MSI2: variants seen among roughly 807,000 people sequenced by gnomAD.
MSI2 encodes the protein musashi RNA binding protein 2, also known as RNA-binding protein Musashi homolog 2.
A neutral mutation model predicts 45.6 loss-of-function variants in MSI2; 17 were observed. That is an observed-to-expected ratio of 0.37 (90% CI 0.26 to 0.56). MSI2 has a LOEUF of 0.56. MSI2 is among the 20% of genes least tolerant of loss of function. The probability of loss-of-function intolerance (pLI) is 0.77; values close to 1 mark genes in which losing one functional copy is unlikely to be tolerated. For synonymous variants in MSI2, 156 were observed against 158.2 expected (o/e 0.99, Z 0.11); for missense variants, 293 against 444.2 (o/e 0.66, Z 3.06).
intron 5 of MSI2, among the ~76,000 whole-genome samples, chr17:57,348,647 C>T (rs778832499): frequency 3.9e-5 from 6 of 152,102 alleles, no homozygotes; most frequent in Admixed American, 6.5e-5. Flanking sequence ...AGAAGCTTCC[C>T]GAAGCCTTCG....
At chr17:57,278,184 C>G (rs1382728756) in intron 5 of MSI2, 1 of 152,466 alleles carries the variant, frequency 6.6e-6, no homozygotes, top group African/African-American at 2.4e-5. Flanking sequence ...GGCAACAGAG[C>G]AAGACCCTGT....
At chr17:57,587,343 G>A (rs1301048422) in intron 7 of MSI2, among the ~76,000 whole-genome samples, 1 of 152,220 alleles carries the variant, frequency 6.6e-6, no homozygotes, top group Non-Finnish European at 1.5e-5. Context: ...AAGGTCAAGG[G>A]TTGGCCAGCG....
At chr17:57,387,558 A>T (rs2083707228) in intron 5 of MSI2, among the ~76,000 whole-genome samples, 1 of 152,210 alleles carries the variant, frequency 6.6e-6, no homozygotes, top group South Asian at 2.1e-4. Context: ...GCAGATAAAG[A>T]CACTGCCTTG....
intron 5 of MSI2, among the ~76,000 whole-genome samples, chr17:57,358,206 T>A (rs200626036): frequency 6.8e-6 from 1 of 146,180 alleles, no homozygotes; most frequent in Non-Finnish European, 1.5e-5. Flanking sequence ...TGTGGGGGGG[T>A]GTGTGTGTGT....
intron 6 of MSI2, among the ~76,000 whole-genome samples, chr17:57,426,378 C>T (rs1024074769): frequency 7.9e-5 from 12 of 152,300 alleles, no homozygotes; most frequent in Admixed American, 4.6e-4. Context: ...TTTAAGATAA[C>T]GTTCAGCTTG....
intron 5 of MSI2, among the ~76,000 whole-genome samples, chr17:57,304,357 CAAAAAAAAAAAAAAAG>C (rs1227074404): frequency 1.8e-5 from 1 of 55,112 alleles, no homozygotes; most frequent in Non-Finnish European, 3.9e-5. Flanking sequence ...ACTCTGTCTC[CAAAAAAAAAAAAAAAG>C]AAAAAAGAAA....
chr17:57,256,960 C>G (rs2143126468), intron 1 of MSI2, 138 bp from the exon 2 acceptor site: 1 of 1,354,190 alleles, frequency 7.4e-7, no homozygotes, highest in Non-Finnish European at 1.0e-6. Flanking sequence ...TGCATTTCGC[C>G]GTCACCTTCT....
intron 6 of MSI2, among the ~76,000 whole-genome samples, chr17:57,408,869 G>T (rs894783322): frequency 3.9e-5 from 6 of 152,122 alleles, no homozygotes; most frequent in Non-Finnish European, 8.8e-5. Flanking sequence ...AGTGAACATT[G>T]ATATGGAGAT....
At chr17:57,318,384 C>T (rs143288096) in intron 5 of MSI2, among the ~76,000 whole-genome samples, 76 of 152,216 alleles carry the variant, frequency 5.0e-4, no homozygotes, top group Middle Eastern at 3.4e-3. Flanking sequence ...CTCATGGGAC[C>T]GTGTCCTGAA....
intron 6 of MSI2, among the ~76,000 whole-genome samples, chr17:57,420,572 G>A (rs2084376688): frequency 6.6e-6 from 1 of 152,172 alleles, no homozygotes; most frequent in African/African-American, 2.4e-5. Flanking sequence ...TACTTTCCCA[G>A]CCTGAATTAG....
chr17:57,560,865 G>A (rs1293156443), intron 7 of MSI2, among the ~76,000 whole-genome samples: 2 of 152,222 alleles, frequency 1.3e-5, no homozygotes, highest in African/African-American at 4.8e-5. Flanking sequence ...GTAATGCATT[G>A]TGGGTTTCTG....
At chr17:57,294,454 G>A (rs938915018) in intron 5 of MSI2, among the ~76,000 whole-genome samples, 7 of 152,146 alleles carry the variant, frequency 4.6e-5, no homozygotes, top group Non-Finnish European at 7.4e-5. Context: ...GCTTATTCTT[G>A]GGCAACTCTT....
rs1913481001 is a variant in MSI2, at chr17:57,679,636, G to A, written c.*119G>A. 1 of 1,063,442 alleles carries A rather than the reference G, an allele frequency of 9.4e-7. No homozygotes were observed. Among genetic ancestry groups the A allele is most frequent in the East Asian group, 5.0e-5 (1 of 19,930 alleles). 65.9% of individuals were successfully genotyped at this position (1,063,442 alleles called of 1,614,324 possible). A position where few individuals can be genotyped will look rare whatever the true frequency, so the allele number is the denominator to read the frequency against. The stretch of plus-strand genomic sequence containing the variant: ...TGTCCTCAGACCTGGACCCCCACCA[G>A]CCTCACTCCCCATCCCAACCAGAGA... On this transcript the variant is annotated 3_prime_UTR_variant, in exon 14 of 14. Coordinates refer to ENST00000284073, the MANE Select transcript of MSI2 (RefSeq NM_138962.4).
At chr17:57,580,131 A>G (rs1224490755) in intron 7 of MSI2, among the ~76,000 whole-genome samples, 7 of 151,434 alleles carry the variant, frequency 4.6e-5, no homozygotes, top group Non-Finnish European at 8.8e-5. Flanking sequence ...TGGGCCTAGC[A>G]GGGGCTGATC....
chr17:57,346,111 T>C (rs998321031), intron 5 of MSI2, among the ~76,000 whole-genome samples: 1 of 152,246 alleles, frequency 6.6e-6, no homozygotes, highest in Non-Finnish European at 1.5e-5. Flanking sequence ...ATCCACCTGC[T>C]ACATGTATTA....
At chr17:57,563,787 G>C (rs1304074769) in intron 7 of MSI2, among the ~76,000 whole-genome samples, 20 of 116,170 alleles carry the variant, frequency 1.7e-4, no homozygotes, top group Admixed American at 1.4e-3. Context: ...CACACACATA[G>C]GCCTCTGTAC....
At chr17:57,658,601 G>C (rs189516196) in intron 11 of MSI2, among the ~76,000 whole-genome samples, 1 of 152,332 alleles carries the variant, frequency 6.6e-6, no homozygotes, top group African/African-American at 2.4e-5. Flanking sequence ...TTTTGTAATA[G>C]AAATACTGTG....
chr17:57,388,597 G>A (rs902256869), intron 5 of MSI2, among the ~76,000 whole-genome samples: 1 of 152,108 alleles, frequency 6.6e-6, no homozygotes, highest in South Asian at 2.1e-4. Context: ...CTACTTCCTT[G>A]TCAACATCTA....
chr17:57,346,364 A>G (rs1915612773), intron 5 of MSI2, among the ~76,000 whole-genome samples: 1 of 140,896 alleles, frequency 7.1e-6, no homozygotes, highest in South Asian at 2.3e-4. Flanking sequence ...GGGGGGTCTG[A>G]TTTTTTTCTT....
Sources: gnomAD v4.1 joint callset for allele counts (sites outside exome capture counted in the v4.1 genomes callset) on GRCh38, gnomAD v4.1.1 for gene constraint, MANE v1.5 for transcripts, NCBI Gene and HGNC (gene_info 2026-07-23, HGNC 2026-07-21) for gene names.